NSRP1: variants seen among roughly 807,000 people sequenced by gnomAD.
NSRP1 encodes the protein coiled-coil domain containing 55.
A neutral mutation model predicts 54.7 loss-of-function variants in NSRP1; 24 were observed. The ratio of observed to expected loss-of-function variants is 0.44; its 90% CI spans 0.32 to 0.62. NSRP1 has a LOEUF of 0.62. NSRP1 is among the 20% of genes least tolerant of loss of function. The probability of loss-of-function intolerance (pLI) is 0.06; values close to 1 mark genes in which losing one functional copy is unlikely to be tolerated. For missense variants in NSRP1, 596 were observed against 651.2 expected (o/e 0.92, Z 0.92); for synonymous variants, 210 against 213.8 (o/e 0.98, Z 0.15).
chr17:30,143,937 C>G (rs1234910727), intron 2 of NSRP1: 3 of 151,820 alleles, frequency 2.0e-5, no homozygotes, highest in Non-Finnish European at 2.9e-5. Context: ...TCTCATGTAC[C>G]CCATAAATGT....
intron 2 of NSRP1, among the ~76,000 whole-genome samples, chr17:30,143,639 TAA>T (rs1371371596): frequency 6.6e-6 from 1 of 152,230 alleles, no homozygotes; most frequent in African/African-American, 2.4e-5. Context: ...CTTTTGAAAA[TAA>T]GTTTGTGTTT....
chr17:30,135,696 G>A (rs1203775701), intron 2 of NSRP1, among the ~76,000 whole-genome samples: 1 of 147,438 alleles, frequency 6.8e-6, no homozygotes, highest in Non-Finnish European at 1.5e-5. Flanking sequence ...GGATGGTCTC[G>A]ATCTCCTGAC....
At chr17:30,172,481 T>A (rs3764450) in intron 2 of NSRP1, 61 bp from the exon 3 acceptor site, 104,534 of 1,375,626 alleles carry the variant, frequency 0.076, 4,398 homozygotes, top group South Asian at 0.1. Context: ...TAGGGGACGC[T>A]CGTACTGGAA....
chr17:30,147,524 G>A (rs2071867842), intron 2 of NSRP1, among the ~76,000 whole-genome samples: 2 of 149,586 alleles, frequency 1.3e-5, no homozygotes, highest in South Asian at 4.2e-4. Context: ...GAGCGCAGTG[G>A]CCAATCTCGG....
At chr17:30,175,204 CTAAG>C (rs1905086844) in intron 3 of NSRP1, among the ~76,000 whole-genome samples, 1 of 152,104 alleles carries the variant, frequency 6.6e-6, no homozygotes, top group Non-Finnish European at 1.5e-5. Context: ...ATGTTTCCCT[CTAAG>C]TACTTCTGTA....
intron 1 of NSRP1, chr17:30,117,285 CT>C: frequency 1.7e-6 from 1 of 586,508 alleles, no homozygotes; most frequent in Non-Finnish European, 3.1e-6. Context: ...GATTCCCGCC[CT>C]TCCTTCTCGT....
At chr17:30,138,533 T>C (rs114512106) in intron 2 of NSRP1, among the ~76,000 whole-genome samples, 5 of 152,354 alleles carry the variant, frequency 3.3e-5, no homozygotes, top group African/African-American at 1.2e-4. Context: ...TAAATAGTTA[T>C]ACTCTATTGT....
Position 30,172,596 on chromosome 17 carries a change from C to T in NSRP1, c.169C>T (p.Gln57Ter), listed in dbSNP as rs1904993425. Residue 57 changes from glutamine to a stop codon, truncating the protein, a stop_gained and splice_region_variant, in exon 3 of 7, where the codon CAG becomes TAG. Transcript: ENST00000247026. LOFTEE classifies it high-confidence loss of function. ...REAAKKQAMKQTKLEIQKALA... is the reference protein window; with the variant it reads ...REAAKKQAMK ...AGCTGCTAAGAAGCAGGCCATGAAA[C>T]AGGTAAGGTAGAAGACTGGGATAAG... 1 of 1,609,810 alleles carries T rather than the reference C, an allele frequency of 6.2e-7. No homozygotes were observed. The highest frequency in any genetic ancestry group is 8.5e-7 in the Non-Finnish European group (1 of 1,177,582).
chr17:30,145,282 A>G (rs2071843525), intron 2 of NSRP1, among the ~76,000 whole-genome samples: 1 of 151,154 alleles, frequency 6.6e-6, no homozygotes, highest in Admixed American at 6.6e-5. Flanking sequence ...TAGGGTATGT[A>G]TATAAATTAT....
chr17:30,165,254 G>A (rs1013821395), intron 2 of NSRP1, among the ~76,000 whole-genome samples: 8 of 152,106 alleles, frequency 5.3e-5, no homozygotes, highest in Admixed American at 1.3e-4. Context: ...TCTTGATTAC[G>A]GTGATAGTTA....
chr17:30,129,529 C>T (rs1404230035), intron 2 of NSRP1, among the ~76,000 whole-genome samples: 1 of 151,760 alleles, frequency 6.6e-6, no homozygotes, highest in Non-Finnish European at 1.5e-5. Context: ...CTTGATATTT[C>T]TCCTCTTTAA....
intron 2 of NSRP1, chr17:30,163,152 T>C (rs1344256671): frequency 6.6e-6 from 1 of 150,554 alleles, no homozygotes; most frequent in Admixed American, 6.7e-5. Flanking sequence ...CCCAAAGCGC[T>C]GGGATTACAG....
intron 3 of NSRP1, among the ~76,000 whole-genome samples, chr17:30,177,134 G>A (rs1416817861): frequency 3.3e-5 from 5 of 151,966 alleles, no homozygotes; most frequent in East Asian, 3.9e-4. Context: ...TTTGGGGGGC[G>A]CTGAGGTGGG....
At chr17:30,131,261 A>G (rs187367032) in intron 2 of NSRP1, among the ~76,000 whole-genome samples, 20 of 152,138 alleles carry the variant, frequency 1.3e-4, no homozygotes, top group South Asian at 8.3e-4. Context: ...TTAGCTCTAC[A>G]GTTTCTCTGT....
chr17:30,122,218 A>T (rs953076359), intron 2 of NSRP1, among the ~76,000 whole-genome samples: 19 of 150,370 alleles, frequency 1.3e-4, no homozygotes, highest in Non-Finnish European at 7.4e-5. Flanking sequence ...GGTTTTTCCC[A>T]ATTTCTGGCA....
chr17:30,135,488 T>C (rs2071741934), intron 2 of NSRP1, among the ~76,000 whole-genome samples: 1 of 147,974 alleles, frequency 6.8e-6, no homozygotes. Flanking sequence ...TTTGTTTTGT[T>C]TTTCAGACGG....
intron 2 of NSRP1, among the ~76,000 whole-genome samples, chr17:30,172,205 G>A (rs1480289170): frequency 6.6e-6 from 1 of 152,092 alleles, no homozygotes; most frequent in East Asian, 1.9e-4. Context: ...CCCTGAAAAT[G>A]TTAGTTTAAT....
chr17:30,117,098 G>C, intron 1 of NSRP1: 1 of 759,818 alleles, frequency 1.3e-6, no homozygotes. Flanking sequence ...GTTAGGCTGA[G>C]GGGCAGAGAG....
intron 2 of NSRP1, among the ~76,000 whole-genome samples, chr17:30,141,115 T>C (rs931163087): frequency 5.3e-5 from 8 of 152,268 alleles, no homozygotes; most frequent in African/African-American, 1.9e-4. Context: ...CACACCTGGC[T>C]AGAATCAGCT....
Sources: allele counts gnomAD v4.1 joint callset (sites outside exome capture counted in the v4.1 genomes callset), GRCh38; gene constraint gnomAD v4.1.1; transcripts MANE v1.5; gene names NCBI Gene and HGNC (gene_info 2026-07-23, HGNC 2026-07-21).